Variants in MTPAP observed in about 807,000 individuals in gnomAD.
The protein encoded by MTPAP is mitochondrial poly(A) polymerase.
MTPAP carries 23 observed loss-of-function variants against 48.7 expected under a neutral mutation model. The observed-to-expected ratio is 0.47, with a 90% confidence interval of 0.34 to 0.67. The LOEUF is 0.67. Ranked by LOEUF, MTPAP falls within the 30% of genes least tolerant of loss-of-function variation. The pLI, the probability that MTPAP is intolerant of heterozygous loss-of-function variation, is 0.01. For synonymous variants in MTPAP, 257 were observed against 254.1 expected, an observed-to-expected ratio of 1.01 and a Z score of -0.11; for missense variants, 614 against 694.3, an observed-to-expected ratio of 0.88 and a Z score of 1.30.
intron 4 of MTPAP, among the ~76,000 whole-genome samples, chr10:30,330,803 G>A (rs1018074744): frequency 3.3e-5 from 5 of 152,232 alleles, no homozygotes; most frequent in African/African-American, 1.2e-4. Flanking sequence ...GAAACTTCAA[G>A]AGCCGATGCT....
chr10:30,318,694 A>G (rs1426486338), intron 6 of MTPAP, among the ~76,000 whole-genome samples: 4 of 152,240 alleles, frequency 2.6e-5, no homozygotes, highest in East Asian at 3.8e-4. Flanking sequence ...ATGAAAGTTA[A>G]TATCATGGTC....
Position 30,313,507 on chromosome 10 carries a change from G to A in MTPAP, c.*102C>T. On this transcript the variant is annotated 3_prime_UTR_variant, in exon 9 of 9. Transcript: ENST00000263063. ...GAGAAGATCATGAAAAGTGACATCA[G>A]ATGAAAGCTGAGATCTGTGAAAGTT... 1.3e-6 allele frequency: 2 copies of A among 1,483,936 alleles called. No homozygotes were observed. Among genetic ancestry groups the A allele is most frequent in the Non-Finnish European group, 1.9e-6 (2 of 1,070,904 alleles). 91.9% of individuals were successfully genotyped at this position (1,483,936 alleles called of 1,614,324 possible).
chr10:30,337,118 G>A, intron 3 of MTPAP, 91 bp from the exon 4 acceptor site: 2 of 1,104,274 alleles, frequency 1.8e-6, no homozygotes, highest in Non-Finnish European at 2.7e-6. Context: ...TGGTGGCGTT[G>A]AAGACCTACC....
chr10:30,341,130 C>T (rs534704889), intron 2 of MTPAP, among the ~76,000 whole-genome samples: 7 of 151,832 alleles, frequency 4.6e-5, no homozygotes, highest in South Asian at 4.2e-4. Context: ...AAGGATCACC[C>T]GAGCCTAGGA....
At chr10:30,347,054 T>G (rs1233491421) in intron 1 of MTPAP, among the ~76,000 whole-genome samples, 1 of 152,220 alleles carries the variant, frequency 6.6e-6, no homozygotes, top group Non-Finnish European at 1.5e-5. Flanking sequence ...TTACACAGAT[T>G]GGTATAGTCT....
chr10:30,317,439 A>G (rs966047375), intron 6 of MTPAP, among the ~76,000 whole-genome samples: 1 of 152,244 alleles, frequency 6.6e-6, no homozygotes, highest in Non-Finnish European at 1.5e-5. Flanking sequence ...AACAAACTCA[A>G]TAACAGCACG....
chr10:30,316,788 G>C (rs1840667825), intron 6 of MTPAP, among the ~76,000 whole-genome samples: 2 of 151,882 alleles, frequency 1.3e-5, no homozygotes, highest in South Asian at 4.2e-4. Flanking sequence ...TACTGAAGAG[G>C]CTGAGGCACG....
At chr10:30,341,442 A>G in intron 2 of MTPAP, 26 bp downstream of exon 2, 1 of 1,601,854 alleles carries the variant, frequency 6.2e-7, no homozygotes, top group Non-Finnish European at 8.5e-7. Context: ...ATAAACGTTA[A>G]GTTAGATTGT....
At position 30,331,207 on chromosome 10, in the gene MTPAP, GAC is replaced by G. The variant is rs368097894; in HGVS notation, c.781-4574_781-4573del. Among the ~76,000 whole-genome samples the G allele has an allele frequency of 1.4e-3, 206 of 152,310 alleles. 1 individual carries two copies. Among genetic ancestry groups the G allele is most frequent in the African/African-American group, 4.7e-3 (196 of 41,554 alleles). ...ATAAAAACTAGAAAAACTGTTCACA[GAC>G]AGTTAGATCCATAAATACTTCCTAT... On this transcript the variant is annotated intron_variant, in intron 4 of 8. Transcript: ENST00000263063.
chr10:30,318,147 C>G (rs1439688749), intron 6 of MTPAP, among the ~76,000 whole-genome samples: 1 of 152,170 alleles, frequency 6.6e-6, no homozygotes, highest in Non-Finnish European at 1.5e-5. Context: ...GCGTGAGCCA[C>G]CGTGCCCGGC....
In MTPAP at chr10:30,323,179, G is replaced by A. The variant is rs145227010; in HGVS notation, c.993-562C>T. On this transcript the variant is annotated intron_variant, in intron 5 of 8. Transcript: ENST00000263063. The stretch of plus-strand genomic sequence containing the variant: ...AGAAAATGTAGATCTAGGACCAGGC[G>A]TAGTGGCTCATGCCTGTAATCCCAG... 9.5e-3 allele frequency among the ~76,000 whole-genome samples: 1,399 copies of A among 146,968 alleles called. 21 individuals are homozygous for A. Among genetic ancestry groups the A allele is most frequent in the African/African-American group, 0.032 (1,260 of 39,926 alleles).
Position 30,318,309 on chromosome 10 carries a change from T to G in MTPAP, c.1220-2099A>C, listed in dbSNP as rs573595031. The stretch of plus-strand genomic sequence containing the variant: ...AAAAATTATTCTAGGTTTTAACATT[T>G]TAATAGCACATTTTACGTGCTCTAC... On this transcript the variant is annotated intron_variant, in intron 6 of 8. Coordinates refer to ENST00000263063, the MANE Select transcript of MTPAP (RefSeq NM_018109.4). 7.2e-5 allele frequency among the ~76,000 whole-genome samples: 11 copies of G among 152,358 alleles called. No individual in the cohort carries two copies. In the South Asian group the frequency reaches 1.2e-3, roughly 17 times the overall value.
chr10:30,349,204 C>T lies in MTPAP; in HGVS notation c.72G>A (p.Arg24=), dbSNP rs1412173867. 1 of 1,611,230 alleles carries T rather than the reference C, an allele frequency of 6.2e-7. No individual in the cohort carries two copies. Among genetic ancestry groups the T allele is most frequent in the South Asian group, 1.1e-5 (1 of 90,934 alleles). The change falls in exon 1 of 9, where the codon CGG becomes CGA. Residue 24 remains arginine, a synonymous_variant. Transcript: ENST00000263063. ...LCARRRTRVQ[R]PIVRLLSCPG... ...GGCAACTCAAAAGCCTGACGATAGGCCGCTGGACTCGAGTTCTTCTCCGGG... is the reference window on the plus strand; with the variant it reads ...GGCAACTCAAAAGCCTGACGATAGGTCGCTGGACTCGAGTTCTTCTCCGGG...
intron 5 of MTPAP, among the ~76,000 whole-genome samples, chr10:30,324,535 C>T (rs1238176972): frequency 6.6e-6 from 1 of 151,782 alleles, no homozygotes; most frequent in Non-Finnish European, 1.5e-5. Flanking sequence ...GCCTGGGCAA[C>T]AGAGAGAGAC....
intron 8 of MTPAP, 77 bp from the exon 9 acceptor site, chr10:30,314,048 A>C (rs1840633347): frequency 6.8e-7 from 1 of 1,469,258 alleles, no homozygotes. Context: ...ACTCAATAAA[A>C]TGTCAAAACA....
At chr10:30,326,345 C>A (rs1424983063) in intron 5 of MTPAP, 79 bp downstream of exon 5, 2 of 1,281,604 alleles carry the variant, frequency 1.6e-6, no homozygotes, top group East Asian at 5.0e-5. Context: ...GATTACAAAG[C>A]CACTGTTTCT....
intron 6 of MTPAP, among the ~76,000 whole-genome samples, chr10:30,317,429 A>G (rs986215193): frequency 6.6e-6 from 1 of 152,232 alleles, no homozygotes; most frequent in Non-Finnish European, 1.5e-5. Context: ...AATTCAGCAA[A>G]ACAAACTCAA....
rs750804398 is a variant in MTPAP, at chr10:30,311,259, T to C, written c.*2350A>G. ...CATCGCCTGTACAGAACACTGATAT[T>C]TGTTGGTGTCAAATGTGCAATCCAA... On this transcript the variant is annotated 3_prime_UTR_variant, in exon 9 of 9. Coordinates refer to ENST00000263063, the MANE Select transcript of MTPAP (RefSeq NM_018109.4). The C allele has an allele frequency of 2.6e-5, 4 of 152,194 alleles. No individual in the cohort carries two copies. The highest frequency in any genetic ancestry group is 4.4e-5 in the Non-Finnish European group (3 of 68,038). 9.4% of individuals were successfully genotyped at this position (152,194 alleles called of 1,614,324 possible). A position where few individuals can be genotyped will look rare whatever the true frequency, so the allele number is the denominator to read the frequency against.
intron 1 of MTPAP, among the ~76,000 whole-genome samples, chr10:30,342,354 G>A (rs374863439): frequency 2.6e-5 from 4 of 152,100 alleles, no homozygotes; most frequent in African/African-American, 7.2e-5. Context: ...ATTGTACTGT[G>A]CTCACCTATT....
Sources: allele counts gnomAD v4.1 joint callset (sites outside exome capture counted in the v4.1 genomes callset), GRCh38; gene constraint gnomAD v4.1.1; transcripts MANE v1.5; gene names NCBI Gene and HGNC (gene_info 2026-07-23, HGNC 2026-07-21).